The following TEAD2 variants were observed in gnomAD, a reference collection of about 807,000 sequenced individuals.
The protein encoded by TEAD2 is TEA domain transcription factor 2, also known as transcriptional enhancer factor TEF-4.
Under a neutral mutation model 61.4 loss-of-function variants are expected in TEAD2, and 51 were observed. That is an observed-to-expected ratio of 0.83 (90% CI 0.66 to 1.05). TEAD2 has a LOEUF of 1.05. TEAD2 is among the 50% of genes least tolerant of loss of function. TEAD2 has a pLI of 0.00. For synonymous variants in TEAD2, 244 were observed against 243.2 expected, an observed-to-expected ratio of 1.00 and a Z score of -0.03; for missense variants, 509 against 600.0, an observed-to-expected ratio of 0.85 and a Z score of 1.58.
At chr19:49,350,778 C>T (rs549049717) in intron 8 of TEAD2, among the ~76,000 whole-genome samples, 1 of 152,212 alleles carries the variant, frequency 6.6e-6, no homozygotes, top group South Asian at 2.1e-4. Context: ...CTGCAAAGAC[C>T]AAAATCTCCT....
chr19:49,348,656 CTCTATATT>C (rs760445765), intron 9 of TEAD2, 39 bp downstream of exon 9: 2 of 1,509,640 alleles, frequency 1.3e-6, no homozygotes, highest in Non-Finnish European at 9.2e-7. Context: ...TCCTGTCACC[CTCTATATT>C]TCAAAATCCC....
At chr19:49,351,847 G>A (rs1477586454) in intron 7 of TEAD2, among the ~76,000 whole-genome samples, 1 of 151,982 alleles carries the variant, frequency 6.6e-6, no homozygotes, top group African/African-American at 2.4e-5. Flanking sequence ...TTAGCAGAGT[G>A]TGGTGGTGCG....
At position 49,359,274 on chromosome 19, in the gene TEAD2, G is replaced by A. The variant is rs544109711; in HGVS notation, c.297+161C>T. 26 of 690,546 alleles carry A rather than the reference G, an allele frequency of 3.8e-5. 1 individual carries two copies. The South Asian group carries it at 4.0e-4, about 11-fold the overall frequency. The allele number at this position is 690,546 out of a possible 1,614,324, so 42.8% of individuals were successfully genotyped here. On this transcript the variant is annotated intron_variant, in intron 3 of 12. Coordinates refer to ENST00000593945, the MANE Select transcript of TEAD2 (RefSeq NM_001256660.2). The surrounding 1 kb of genome is among the most constrained non-coding windows in gnomAD (Gnocchi z 4.1). ...AAATACATAAATAACCCAGCCTCGG[G>A]TAATTCTTTATAGCAATACAAACGG... is the stretch of plus-strand genomic sequence containing the variant.
rs1429455431 is a variant in TEAD2, at chr19:49,359,305, C to T, written c.297+130G>A. 5.1e-6 allele frequency: 4 copies of T among 783,860 alleles called. No individual in the cohort carries two copies. Among genetic ancestry groups the T allele is most frequent in the African/African-American group, 1.7e-5 (1 of 58,096 alleles). The allele number at this position is 783,860 out of a possible 1,614,324, so 48.6% of individuals were successfully genotyped here. A position where few individuals can be genotyped will look rare whatever the true frequency, so the allele number is the denominator to read the frequency against. ...CTTTATAGCAATACAAACGGACTAA[C>T]ACACATGCCGAGAAGACAGATGAAC... On this transcript the variant is annotated intron_variant, in intron 3 of 12. Transcript: ENST00000593945. This position sits in a 1 kb window ranked among gnomAD's most constrained non-coding sequence, Gnocchi z 4.1.
At position 49,360,091 on chromosome 19, in the gene TEAD2, C is replaced by A. The variant is rs202211880; in HGVS notation, c.-6-10G>T. 198 of 1,596,808 alleles carry A rather than the reference C, an allele frequency of 1.2e-4. No homozygotes were observed. Among genetic ancestry groups the A allele is most frequent in the Middle Eastern group, 1.2e-3 (7 of 6,038 alleles). On this transcript the variant is annotated splice_polypyrimidine_tract_variant and intron_variant, in intron 1 of 12. Transcript: ENST00000593945. Reference sequence around the variant, plus strand: ...GTTCCCCCATCTGGGCCTGGAGGAACACAGAACTCAGCAAGCTTCCCCCAA... The same window carrying A: ...GTTCCCCCATCTGGGCCTGGAGGAAAACAGAACTCAGCAAGCTTCCCCCAA...
Position 49,359,248 on chromosome 19 carries a change from C to G in TEAD2, c.297+187G>C, listed in dbSNP as rs1020421827. The G allele has an allele frequency of 1.6e-6, 1 of 637,448 alleles. No individual in the cohort carries two copies. Among genetic ancestry groups the G allele is most frequent in the Non-Finnish European group, 2.8e-6 (1 of 355,184 alleles). 39.5% of individuals were successfully genotyped at this position (637,448 alleles called of 1,614,324 possible). A position where few individuals can be genotyped will look rare whatever the true frequency, so the allele number is the denominator to read the frequency against. ...GCTAGACTCCATTTCAAAAAATAAACAAATACATAAATAACCCAGCCTCGG... is the reference window on the plus strand; with the variant it reads ...GCTAGACTCCATTTCAAAAAATAAAGAAATACATAAATAACCCAGCCTCGG... On this transcript the variant is annotated intron_variant, in intron 3 of 12. Coordinates refer to ENST00000593945, the MANE Select transcript of TEAD2 (RefSeq NM_001256660.2). This position sits in a 1 kb window ranked among gnomAD's most constrained non-coding sequence, Gnocchi z 4.1.
chr19:49,359,704 AT>A lies in TEAD2; in HGVS notation c.232+139del. The A allele has an allele frequency of 9.4e-7, 1 of 1,069,448 alleles. No individual in the cohort carries two copies. Among genetic ancestry groups the A allele is most frequent in the Non-Finnish European group, 1.4e-6 (1 of 724,878 alleles). The allele number at this position is 1,069,448 out of a possible 1,614,324, so 66.2% of individuals were successfully genotyped here. A position where few individuals can be genotyped will look rare whatever the true frequency, so the allele number is the denominator to read the frequency against. On this transcript the variant is annotated intron_variant, in intron 2 of 12. Coordinates refer to ENST00000593945, the MANE Select transcript of TEAD2 (RefSeq NM_001256660.2). The surrounding 1 kb of genome is among the most constrained non-coding windows in gnomAD (Gnocchi z 4.1). The stretch of plus-strand genomic sequence containing the variant: ...ACTGGCTCTGTGCGACCATAAGCAA[AT>A]CACTTAACCTAGCTGTGCCTCAGTT...
chr19:49,349,900 A>T (rs73590104), intron 8 of TEAD2, among the ~76,000 whole-genome samples: 3,528 of 152,318 alleles, frequency 0.023, 152 homozygotes, highest in African/African-American at 0.08. Context: ...CATGAGAGGA[A>T]CTACAGAGAT....
Position 49,359,251 on chromosome 19 carries a change from A to G in TEAD2, c.297+184T>C. ...AGACTCCATTTCAAAAAATAAACAA[A>G]TACATAAATAACCCAGCCTCGGGTA... On this transcript the variant is annotated intron_variant, in intron 3 of 12. Coordinates refer to ENST00000593945, the MANE Select transcript of TEAD2 (RefSeq NM_001256660.2). This position sits in a 1 kb window ranked among gnomAD's most constrained non-coding sequence, Gnocchi z 4.1. 1.5e-6 allele frequency: 1 copy of G among 645,588 alleles called. No individual in the cohort carries two copies. Among genetic ancestry groups the G allele is most frequent in the East Asian group, 2.7e-5 (1 of 37,734 alleles). The allele number at this position is 645,588 out of a possible 1,614,324, so 40.0% of individuals were successfully genotyped here. A position where few individuals can be genotyped will look rare whatever the true frequency, so the allele number is the denominator to read the frequency against.
At position 49,359,175 on chromosome 19, in the gene TEAD2, T is replaced by G; in HGVS notation, c.297+260A>C. 1 of 410,758 alleles carries G rather than the reference T, an allele frequency of 2.4e-6. No individual in the cohort carries two copies. Among genetic ancestry groups the G allele is most frequent in the Non-Finnish European group, 4.5e-6 (1 of 222,672 alleles). 25.4% of individuals were successfully genotyped at this position (410,758 alleles called of 1,614,324 possible). A position where few individuals can be genotyped will look rare whatever the true frequency, so the allele number is the denominator to read the frequency against. On this transcript the variant is annotated intron_variant, in intron 3 of 12. Transcript: ENST00000593945. The surrounding 1 kb of genome is among the most constrained non-coding windows in gnomAD (Gnocchi z 4.1). ...ATTGCTTGAACCCGGGAGGCAGAGG[T>G]TGCAGTGAGCCAAGATCGCGCCACT...
intron 7 of TEAD2, among the ~76,000 whole-genome samples, chr19:49,352,838 C>A (rs755636875): frequency 6.6e-6 from 1 of 151,916 alleles, no homozygotes; most frequent in Admixed American, 6.6e-5. Flanking sequence ...CTATGCCTGG[C>A]CTCCTTTTCT....
chr19:49,357,633 T>A (rs1348244880), intron 3 of TEAD2: 1 of 453,612 alleles, frequency 2.2e-6, no homozygotes, highest in Non-Finnish European at 4.1e-6. Context: ...CGAACAGACA[T>A]GCTGATACAG....
chr19:49,347,493 C>G, intron 9 of TEAD2, 130 bp from the exon 10 acceptor site: 1 of 1,024,452 alleles, frequency 9.8e-7, no homozygotes, highest in Non-Finnish European at 1.4e-6. Context: ...CCACCCAGCA[C>G]TGGGCCTGAC....
At chr19:49,343,045 G>A (rs375242355) in intron 11 of TEAD2, among the ~76,000 whole-genome samples, 186 bp downstream of exon 11, 3 of 152,198 alleles carry the variant, frequency 2.0e-5, no homozygotes, top group African/African-American at 4.8e-5. Flanking sequence ...TTACCTGTCA[G>A]CCCGCAGAAT....
chr19:49,361,120 G>C (rs1230151314), intron 1 of TEAD2, among the ~76,000 whole-genome samples: 1 of 121,034 alleles, frequency 8.3e-6, no homozygotes, highest in Non-Finnish European at 1.7e-5. Flanking sequence ...CCAGGGAGAG[G>C]GGGAGACAGA....
chr19:49,347,657 C>T (rs927025934), intron 9 of TEAD2, among the ~76,000 whole-genome samples: 5 of 152,160 alleles, frequency 3.3e-5, no homozygotes, highest in Admixed American at 1.3e-4. Flanking sequence ...CCTCCAACCT[C>T]GCCTCTCCAG....
chr19:49,359,500 C>A lies in TEAD2; in HGVS notation c.233-1G>T. On this transcript the variant is annotated splice_acceptor_variant, in intron 2 of 12. Transcript: ENST00000593945. LOFTEE classifies it high-confidence loss of function. This position sits in a 1 kb window ranked among gnomAD's most constrained non-coding sequence, Gnocchi z 4.1. Reference sequence around the variant, plus strand: ...TAGCGGGCGATCAGTTCATTCCGACCTGAAGATTCAAAGACGGAACAGAGT... The same window carrying A: ...TAGCGGGCGATCAGTTCATTCCGACATGAAGATTCAAAGACGGAACAGAGT... 1 of 1,614,048 alleles carries A rather than the reference C, an allele frequency of 6.2e-7. No individual in the cohort carries two copies. The highest frequency in any genetic ancestry group is 1.1e-5 in the South Asian group (1 of 91,086).
Position 49,346,531 on chromosome 19 carries a change from C to T in TEAD2, c.921+659G>A, listed in dbSNP as rs761540101. On this transcript the variant is annotated intron_variant, in intron 10 of 12. Coordinates refer to ENST00000593945, the MANE Select transcript of TEAD2 (RefSeq NM_001256660.2). ...AATTAGCCAGATGTGGTGGCGGGTG[C>T]CTGTAGTCCAATCTACTGGGGAGGC... Among the ~76,000 whole-genome samples, 241 of 152,146 alleles carry T rather than the reference C, an allele frequency of 1.6e-3. 2 individuals carry two copies. The highest frequency in any genetic ancestry group is 2.9e-3 in the Non-Finnish European group (200 of 68,004).
In TEAD2 at chr19:49,341,513, T is replaced by G. The variant is rs115293774; in HGVS notation, c.1243-76A>C. 6,701 of 1,170,154 alleles carry G rather than the reference T, an allele frequency of 5.7e-3. 148 individuals carry two copies. In the African/African-American group the frequency reaches 0.058, roughly 10 times the overall value. The allele number at this position is 1,170,154 out of a possible 1,614,324, so 72.5% of individuals were successfully genotyped here. A position where few individuals can be genotyped will look rare whatever the true frequency, so the allele number is the denominator to read the frequency against. On this transcript the variant is annotated intron_variant, in intron 12 of 12. Transcript: ENST00000593945. This position sits in a 1 kb window ranked among gnomAD's most constrained non-coding sequence, Gnocchi z 4.2. ...ACCCCTGTGCCCCCCTGCCAAGCTA[T>G]CATGGAATACCCAGCAGGCTCTTTT... is the stretch of plus-strand genomic sequence containing the variant.
Sources: gnomAD v4.1 joint callset for allele counts (sites outside exome capture counted in the v4.1 genomes callset) on GRCh38, gnomAD v4.1.1 for gene constraint, Gnocchi (gnomAD v3.1) non-coding constraint, MANE v1.5 for transcripts, NCBI Gene and HGNC (gene_info 2026-07-23, HGNC 2026-07-21) for gene names.